The following ADORA2B variants were observed in gnomAD, a reference collection of about 807,000 sequenced individuals.
ADORA2B encodes adenosine receptor A2b.
Under a neutral mutation model 20.8 loss-of-function variants are expected in ADORA2B, and 18 were observed. The ratio of observed to expected loss-of-function variants is 0.87; its 90% confidence interval spans 0.60 to 1.29. The LOEUF is 1.29. Among genes scored for constraint, ADORA2B ranks in the 50% most tolerant of loss-of-function variants. ADORA2B has a pLI of 0.00. For missense variants in ADORA2B, 441 were observed against 422.7 expected (o/e 1.04, Z -0.38); for synonymous variants, 179 against 178.3 (o/e 1.00, Z -0.03).
At chr17:15,908,582 T>C in the ADORA2B span, 1 of 194,006 alleles carries the variant, frequency 5.2e-6, no homozygotes. Context: ...GCCTGACTGG[T>C]AGAGCATGAT....
intron 1 of ADORA2B, among the ~76,000 whole-genome samples, chr17:15,950,304 C>A (rs1969881716): frequency 6.6e-6 from 1 of 152,186 alleles, no homozygotes; most frequent in Non-Finnish European, 1.5e-5. Context: ...AGGAGCGTGG[C>A]CCACACCTGG....
At chr17:15,927,461 A>G in the ADORA2B span, among the ~76,000 whole-genome samples, 1 of 151,506 alleles carries the variant, frequency 6.6e-6, no homozygotes, top group African/African-American at 2.4e-5. Context: ...CCAGTCTGGC[A>G]ACAGAGTGAG....
chr17:15,866,712 G>GCTGCCTCTGCCGCTGCCA, the ADORA2B span, among the ~76,000 whole-genome samples: 1 of 145,542 alleles, frequency 6.9e-6, no homozygotes, highest in African/African-American at 2.6e-5. Flanking sequence ...TGCCGCTGCC[G>GCTGCCTCTGCCGCTGCCA]CTGCCTCTGC....
the ADORA2B span, among the ~76,000 whole-genome samples, chr17:15,917,947 C>T: frequency 6.6e-6 from 1 of 152,378 alleles, no homozygotes; most frequent in African/African-American, 2.4e-5. Context: ...CTCGAGCCTG[C>T]ACTGGGCCCG....
chr17:15,916,530 G>A, the ADORA2B span, among the ~76,000 whole-genome samples: 10 of 151,230 alleles, frequency 6.6e-5, no homozygotes, highest in African/African-American at 2.4e-4. Context: ...AAGGAGGGGG[G>A]GTACATGACT....
At chr17:15,898,910 G>C in the ADORA2B span, among the ~76,000 whole-genome samples, 1 of 152,054 alleles carries the variant, frequency 6.6e-6, no homozygotes, top group Non-Finnish European at 1.5e-5. Context: ...TTAAACATTT[G>C]TTTTTCAATA....
the ADORA2B span, among the ~76,000 whole-genome samples, chr17:15,859,116 CA>C: frequency 1.3e-5 from 2 of 151,920 alleles, no homozygotes; most frequent in Admixed American, 6.6e-5. Context: ...CAAGCTTGGC[CA>C]AAAAAACCAT....
At chr17:15,878,970 C>G in the ADORA2B span, among the ~76,000 whole-genome samples, 254 of 152,168 alleles carry the variant, frequency 1.7e-3, no homozygotes, top group Non-Finnish European at 3.0e-3. Context: ...TGGGAAATCT[C>G]TACTTGATTA....
the ADORA2B span, among the ~76,000 whole-genome samples, chr17:15,867,698 C>T: frequency 3.3e-5 from 5 of 149,774 alleles, no homozygotes; most frequent in African/African-American, 1.0e-4. Flanking sequence ...CCCGGCCAGC[C>T]GCCCCGTCCG....
the ADORA2B span, chr17:15,908,615 A>G: frequency 5.3e-6 from 1 of 189,860 alleles, no homozygotes; most frequent in African/African-American, 2.3e-5. Context: ...CCAAATCTAC[A>G]AGTACTTTCG....
At chr17:15,866,111 G>T in the ADORA2B span, among the ~76,000 whole-genome samples, 1 of 152,068 alleles carries the variant, frequency 6.6e-6, no homozygotes, top group Non-Finnish European at 1.5e-5. Context: ...GGTGAATAGC[G>T]CTGTTATGTT....
chr17:15,877,889 T>A, the ADORA2B span, among the ~76,000 whole-genome samples: 1 of 152,028 alleles, frequency 6.6e-6, no homozygotes, highest in Non-Finnish European at 1.5e-5. Context: ...TGGCTTGGGA[T>A]TTAGTTTGCT....
At chr17:15,905,602 G>A in the ADORA2B span, among the ~76,000 whole-genome samples, 1 of 151,680 alleles carries the variant, frequency 6.6e-6, no homozygotes, top group East Asian at 1.9e-4. Flanking sequence ...GGATAGTCTC[G>A]ATCTCCTGAC....
At chr17:15,869,338 TA>T in the ADORA2B span, among the ~76,000 whole-genome samples, 58 of 149,602 alleles carry the variant, frequency 3.9e-4, no homozygotes, top group African/African-American at 1.1e-3. Context: ...ATAATAATAA[TA>T]ATTATTATTA....
At chr17:15,892,638 CT>C in the ADORA2B span, among the ~76,000 whole-genome samples, 9 of 149,740 alleles carry the variant, frequency 6.0e-5, no homozygotes, top group South Asian at 6.3e-4. Context: ...TTGCTTTTTT[CT>C]TTTTTTCTTT....
chr17:15,934,277 G>A, the ADORA2B span, among the ~76,000 whole-genome samples: 1 of 152,088 alleles, frequency 6.6e-6, no homozygotes, highest in African/African-American at 2.4e-5. Context: ...CACCCAGGTT[G>A]CAGTTCAGTG....
At chr17:15,960,677 C>T (rs1360498958) in intron 1 of ADORA2B, among the ~76,000 whole-genome samples, 2 of 151,766 alleles carry the variant, frequency 1.3e-5, no homozygotes, top group Non-Finnish European at 2.9e-5. Flanking sequence ...CGAGACCATC[C>T]TGGCTAACAC....
At chr17:15,911,425 C>T in the ADORA2B span, among the ~76,000 whole-genome samples, 1 of 152,160 alleles carries the variant, frequency 6.6e-6, no homozygotes, top group Non-Finnish European at 1.5e-5. Flanking sequence ...TACCCGGAGT[C>T]AGTGTTTACT....
upstream of ADORA2B, among the ~76,000 whole-genome samples, chr17:15,942,533 T>C (rs1969753666): frequency 6.6e-6 from 1 of 152,196 alleles, no homozygotes; most frequent in Admixed American, 6.5e-5. Context: ...CATTGGGTGA[T>C]TCAGGGAAGG....
Sources: gnomAD v4.1 joint callset for allele counts (sites outside exome capture counted in the v4.1 genomes callset) on GRCh38, gnomAD v4.1.1 for gene constraint, MANE v1.5 for transcripts, NCBI Gene and HGNC (gene_info 2026-07-23, HGNC 2026-07-21) for gene names.